Variants in AFF4 observed in about 807,000 individuals in gnomAD.
AFF4 encodes AF4/FMR2 family member 4.
A neutral mutation model predicts 124.8 loss-of-function variants in AFF4; 13 were observed. The observed-to-expected ratio is 0.10, with a 90% CI of 0.07 to 0.17. The LOEUF (loss-of-function observed/expected upper bound fraction) is 0.17, where lower values mean the gene tolerates loss of function less well. Ranked by LOEUF, AFF4 falls within the 10% of genes least tolerant of loss-of-function variation. The probability of loss-of-function intolerance (pLI) is 1.00; values close to 1 mark genes in which losing one functional copy is unlikely to be tolerated. For synonymous variants in AFF4, 477 were observed against 496.1 expected (o/e 0.96, Z 0.51); for missense variants, 1,092 against 1,403.8 (o/e 0.78, Z 3.55).
At chr5:132,956,006 TA>T (rs911350859) in intron 1 of AFF4, among the ~76,000 whole-genome samples, 1 of 150,028 alleles carries the variant, frequency 6.7e-6, no homozygotes, top group Non-Finnish European at 1.5e-5. Context: ...ATACACGTAA[TA>T]CATGTAAATA....
At chr5:132,947,970 T>C (rs752193774) in intron 1 of AFF4, among the ~76,000 whole-genome samples, 1 of 152,240 alleles carries the variant, frequency 6.6e-6, no homozygotes, top group African/African-American at 2.4e-5. Flanking sequence ...TTTTGCTTTC[T>C]TCATCACATC....
intron 1 of AFF4, among the ~76,000 whole-genome samples, chr5:132,952,150 A>C (rs1040894383): frequency 6.6e-6 from 1 of 152,218 alleles, no homozygotes; most frequent in African/African-American, 2.4e-5. Flanking sequence ...AGACAGCTAG[A>C]AGTGGAACTA....
rs190032957 is a variant in AFF4 at position 132,906,691 on chromosome 5, C to A, written c.1051-2287G>T. The stretch of plus-strand genomic sequence containing the variant: ...TATAAATAAACTCAAAACTACTGAA[C>A]TCTACACTTGAAGTAGGTGAATTAC... On this transcript the variant is annotated intron_variant, in intron 5 of 20. Coordinates refer to ENST00000265343, the MANE Select transcript of AFF4 (RefSeq NM_014423.4). Among the ~76,000 whole-genome samples, 827 of 152,234 alleles carry A rather than the reference C, an allele frequency of 5.4e-3. 5 individuals carry two copies. The highest frequency in any genetic ancestry group is 0.027 in the Middle Eastern group (8 of 294).
intron 1 of AFF4, among the ~76,000 whole-genome samples, chr5:132,942,482 A>G (rs1761594952): frequency 6.8e-6 from 1 of 147,236 alleles, no homozygotes; most frequent in Non-Finnish European, 1.5e-5. Flanking sequence ...TTTTTTTTTA[A>G]AGACAGAGTT....
chr5:132,939,349 T>C (rs1314456762), intron 1 of AFF4, among the ~76,000 whole-genome samples: 1 of 152,230 alleles, frequency 6.6e-6, no homozygotes, highest in Non-Finnish European at 1.5e-5. Context: ...TTGGTTTCGC[T>C]AATACTTAGC....
chr5:132,956,403 G>A (rs887536598), intron 1 of AFF4, among the ~76,000 whole-genome samples: 3 of 152,124 alleles, frequency 2.0e-5, no homozygotes, highest in African/African-American at 7.2e-5. Flanking sequence ...GGCTAAGGCA[G>A]GTGGATTACC....
Position 132,893,136 on chromosome 5 carries a change from A to C in AFF4, c.2308-18T>G. Reference sequence around the variant, plus strand: ...TCTTCATTCTAGATGAAAAATAGAAACCGTGGTCTGATTTTTATTCAACTA... The same window carrying C: ...TCTTCATTCTAGATGAAAAATAGAACCCGTGGTCTGATTTTTATTCAACTA... On this transcript the variant is annotated intron_variant, in intron 11 of 20. Coordinates refer to ENST00000265343, the MANE Select transcript of AFF4 (RefSeq NM_014423.4). The C allele has an allele frequency of 1.9e-6, 3 of 1,609,918 alleles. No homozygotes were observed. Among genetic ancestry groups the C allele is most frequent in the Non-Finnish European group, 2.6e-6 (3 of 1,176,200 alleles).
intron 5 of AFF4, among the ~76,000 whole-genome samples, chr5:132,918,432 C>G (rs555276013): frequency 2.2e-4 from 33 of 152,044 alleles, no homozygotes; most frequent in Non-Finnish European, 3.4e-4. Flanking sequence ...GAGGCCGAGG[C>G]AGGTGGATCA....
In AFF4 at chr5:132,880,281, A is replaced by G. The variant is rs748120627; in HGVS notation, c.*778T>C. The G allele has an allele frequency of 8.0e-5, 32 of 398,880 alleles. No homozygotes were observed. Among genetic ancestry groups the G allele is most frequent in the African/African-American group, 1.9e-4 (9 of 48,638 alleles). 24.7% of individuals were successfully genotyped at this position (398,880 alleles called of 1,614,324 possible). A position where few individuals can be genotyped will look rare whatever the true frequency, so the allele number is the denominator to read the frequency against. On this transcript the variant is annotated 3_prime_UTR_variant, in exon 21 of 21. Transcript: ENST00000265343. ...CTTCAACATGAAATGCTTCTTCTAG[A>G]AAGTTTGTCCTCCCTCTTTTGTAAT...
chr5:132,935,052 G>C, intron 2 of AFF4, 111 bp from the exon 3 acceptor site: 1 of 803,130 alleles, frequency 1.2e-6, no homozygotes, highest in Non-Finnish European at 1.8e-6. Context: ...TTCAAAGGGA[G>C]GCTTTACCTC....
In AFF4 at chr5:132,875,950, T is replaced by C. The variant is rs147288072; in HGVS notation, c.*5109A>G. ...ACAGGCTTTTAATTTATCAGTGACA[T>C]TATCTCCCCTCCAAAACCCTCCCCA... On this transcript the variant is annotated 3_prime_UTR_variant, in exon 21 of 21. Coordinates refer to ENST00000265343, the MANE Select transcript of AFF4 (RefSeq NM_014423.4). The C allele has an allele frequency of 4.8e-3, 1,093 of 226,744 alleles. 5 individuals are homozygous for C. Among genetic ancestry groups the C allele is most frequent in the Middle Eastern group, 0.015 (11 of 746 alleles). 14.0% of individuals were successfully genotyped at this position (226,744 alleles called of 1,614,324 possible). A position where few individuals can be genotyped will look rare whatever the true frequency, so the allele number is the denominator to read the frequency against.
chr5:132,898,531 T>A, intron 9 of AFF4, 139 bp from the exon 10 acceptor site: 2 of 838,598 alleles, frequency 2.4e-6, no homozygotes, highest in Non-Finnish European at 3.6e-6. Flanking sequence ...TGGCCCAGGC[T>A]GGAATGCAGT....
chr5:132,947,681 T>A (rs1761732759), intron 1 of AFF4, among the ~76,000 whole-genome samples: 1 of 152,206 alleles, frequency 6.6e-6, no homozygotes, highest in Non-Finnish European at 1.5e-5. Flanking sequence ...CAATGCACTA[T>A]GCTAAAGCAC....
In AFF4 at chr5:132,875,488, T is replaced by G. The variant is rs1488164426; in HGVS notation, c.*5571A>C. The G allele has an allele frequency of 5.4e-6, 1 of 186,092 alleles. No homozygotes were observed. Among genetic ancestry groups the G allele is most frequent in the Non-Finnish European group, 1.1e-5 (1 of 87,678 alleles). The allele number at this position is 186,092 out of a possible 1,614,324, so 11.5% of individuals were successfully genotyped here. ...AAGCATCTTAATGACACAGTAGAGT[T>G]AAAAAGATCTTTACAAATTGAAATG... On this transcript the variant is annotated 3_prime_UTR_variant, in exon 21 of 21. Coordinates refer to ENST00000265343, the MANE Select transcript of AFF4 (RefSeq NM_014423.4).
chr5:132,892,030 C>T, intron 13 of AFF4, 134 bp downstream of exon 13: 1 of 1,299,406 alleles, frequency 7.7e-7, no homozygotes, highest in Non-Finnish European at 1.1e-6. Context: ...AGGATTATTA[C>T]ATATAGAGGG....
chr5:132,951,018 A>T (rs1361334982), intron 1 of AFF4, among the ~76,000 whole-genome samples: 3 of 152,196 alleles, frequency 2.0e-5, no homozygotes, highest in Non-Finnish European at 2.9e-5. Context: ...TGAAGCCAGG[A>T]GTTCAAGACC....
chr5:132,896,297 A>G (rs780594464), intron 11 of AFF4, 26 bp downstream of exon 11: 30 of 1,545,208 alleles, frequency 1.9e-5, no homozygotes, highest in Non-Finnish European at 4.3e-6. Flanking sequence ...ATGTTTCAAA[A>G]CAAACAACAA....
chr5:132,902,173 A>G (rs1760567666), intron 7 of AFF4, among the ~76,000 whole-genome samples: 1 of 152,068 alleles, frequency 6.6e-6, no homozygotes, highest in African/African-American at 2.4e-5. Flanking sequence ...TCAGCCTTCC[A>G]AGTAGCTGGG....
In AFF4 at chr5:132,956,942, C is replaced by T. The variant is rs545804744; in HGVS notation, c.-5+6317G>A. The stretch of plus-strand genomic sequence containing the variant: ...GGCTGAGGCAGAAGAATCAGTTGAA[C>T]CTGGGAGGTGAAGGTTGTGGTGAGC... On this transcript the variant is annotated intron_variant, in intron 1 of 20. Coordinates refer to ENST00000265343, the MANE Select transcript of AFF4 (RefSeq NM_014423.4). Among the ~76,000 whole-genome samples the T allele has an allele frequency of 7.3e-5, 10 of 136,978 alleles. No homozygotes were observed. In the South Asian group the frequency reaches 2.3e-3, roughly 32 times the overall value. The allele number at this position is 136,978 out of a possible 152,430, so 89.9% of individuals were successfully genotyped here. A position where few individuals can be genotyped will look rare whatever the true frequency, so the allele number is the denominator to read the frequency against.
Sources: allele counts gnomAD v4.1 joint callset (sites outside exome capture counted in the v4.1 genomes callset), GRCh38; gene constraint gnomAD v4.1.1; transcripts MANE v1.5; gene names NCBI Gene and HGNC (gene_info 2026-07-23, HGNC 2026-07-21).